The following DPYD variants were observed in gnomAD, a reference collection of about 807,000 sequenced individuals.
DPYD encodes dihydropyrimidine dehydrogenase [NADP(+)].
In DPYD, 109 loss-of-function variants were observed where a neutral mutation model predicts 116.2. The ratio of observed to expected loss-of-function variants is 0.94; its 90% confidence interval spans 0.80 to 1.10. The LOEUF (loss-of-function observed/expected upper bound fraction) is 1.10, where lower values mean the gene tolerates loss of function less well. Among genes scored for constraint, DPYD ranks in the 50% least tolerant of loss-of-function variants. DPYD has a pLI of 0.00. For synonymous variants in DPYD, 440 were observed against 432.0 expected (o/e 1.02, Z -0.23); for missense variants, 1,302 against 1,254.5 (o/e 1.04, Z -0.57).
chr1:97,502,661 T>C (rs1679648090), intron 13 of DPYD, among the ~76,000 whole-genome samples: 1 of 151,994 alleles, frequency 6.6e-6, no homozygotes. Context: ...GGTATACTAT[T>C]CTGTGAGAAA....
chr1:97,649,092 C>G (rs1175911970), intron 8 of DPYD, among the ~76,000 whole-genome samples: 2 of 152,038 alleles, frequency 1.3e-5, no homozygotes, highest in Non-Finnish European at 2.9e-5. Flanking sequence ...TATTTAACAT[C>G]TAAGCAAGGA....
At chr1:97,292,203 T>A (rs1201957702) in intron 18 of DPYD, among the ~76,000 whole-genome samples, 2 of 152,162 alleles carry the variant, frequency 1.3e-5, no homozygotes, top group Non-Finnish European at 2.9e-5. Flanking sequence ...AAGACTTCAG[T>A]GACCTCTGCT....
intron 16 of DPYD, among the ~76,000 whole-genome samples, chr1:97,340,022 C>T (rs894315476): frequency 4.0e-5 from 6 of 151,890 alleles, no homozygotes; most frequent in Non-Finnish European, 7.4e-5. Flanking sequence ...ATATACTAAG[C>T]GAGAAATATT....
chr1:97,256,054 T>C (rs1392791023), intron 18 of DPYD, among the ~76,000 whole-genome samples: 1 of 152,168 alleles, frequency 6.6e-6, no homozygotes, highest in African/African-American at 2.4e-5. Flanking sequence ...GATAGTTGAT[T>C]ATGACAGCTT....
chr1:97,540,382 CAAAACAAAACAAAA>C, intron 12 of DPYD, among the ~76,000 whole-genome samples: 1 of 142,952 alleles, frequency 7.0e-6, no homozygotes, highest in Non-Finnish European at 1.6e-5. Context: ...CAAAACAAAA[CAAAACAAAACAAAA>C]ACCAAACTTT....
chr1:97,898,525 T>C (rs919002324), intron 1 of DPYD, among the ~76,000 whole-genome samples: 3 of 152,002 alleles, frequency 2.0e-5, no homozygotes, highest in Admixed American at 6.6e-5. Flanking sequence ...CTGTATTTCA[T>C]TGCTTGATAG....
chr1:97,619,155 T>C (rs1307505653), intron 8 of DPYD, among the ~76,000 whole-genome samples: 2 of 152,226 alleles, frequency 1.3e-5, no homozygotes, highest in Non-Finnish European at 2.9e-5. Flanking sequence ...ATTTACAAAA[T>C]CTTACATTCT....
chr1:97,349,595 T>C (rs1031704522), intron 16 of DPYD, among the ~76,000 whole-genome samples: 4 of 151,862 alleles, frequency 2.6e-5, no homozygotes, highest in Non-Finnish European at 5.9e-5. Flanking sequence ...GAAAATGCGG[T>C]GTTTGGTTTT....
chr1:97,143,341 A>G (rs1226731438), intron 20 of DPYD, among the ~76,000 whole-genome samples: 1 of 152,112 alleles, frequency 6.6e-6, no homozygotes, highest in Non-Finnish European at 1.5e-5. Flanking sequence ...TTCAATGGCA[A>G]GAGTATTTAG....
At chr1:97,720,641 G>A in intron 5 of DPYD, 1 of 1,262,446 alleles carries the variant, frequency 7.9e-7, no homozygotes. Context: ...ATTATGGGAA[G>A]GGTCCCAAAA....
intron 20 of DPYD, among the ~76,000 whole-genome samples, chr1:97,152,439 T>TAC (rs71590217): frequency 0.076 from 11,073 of 145,236 alleles, 502 homozygotes; most frequent in African/African-American, 0.13. Flanking sequence ...CTGAATCACA[T>TAC]ACACACACAC....
chr1:97,413,189 G>A (rs1674104485), intron 14 of DPYD, among the ~76,000 whole-genome samples: 1 of 152,188 alleles, frequency 6.6e-6, no homozygotes, highest in Admixed American at 6.5e-5. Context: ...TAAAGGCTGA[G>A]TGGAAACTTC....
intron 8 of DPYD, among the ~76,000 whole-genome samples, chr1:97,666,241 C>A (rs534097277): frequency 6.6e-6 from 1 of 152,078 alleles, no homozygotes; most frequent in African/African-American, 2.4e-5. Flanking sequence ...GGCACAATCA[C>A]GGCTCATTGC....
intron 6 of DPYD, among the ~76,000 whole-genome samples, chr1:97,693,072 C>T (rs1297159220): frequency 1.3e-5 from 2 of 151,822 alleles, no homozygotes; most frequent in African/African-American, 4.8e-5. Flanking sequence ...CAGCGGATCA[C>T]GAGGTCAGGA....
chr1:97,276,945 C>T (rs531687632), intron 18 of DPYD, among the ~76,000 whole-genome samples: 22 of 152,174 alleles, frequency 1.4e-4, no homozygotes, highest in African/African-American at 2.9e-4. Context: ...AGCAAAGACA[C>T]GGAAACAACC....
intron 10 of DPYD, among the ~76,000 whole-genome samples, chr1:97,588,005 CA>C (rs150947877): frequency 1.2e-4 from 19 of 152,084 alleles, no homozygotes; most frequent in African/African-American, 3.9e-4. Context: ...GGAAAAAAAT[CA>C]GGTAAAAGGC....
chr1:97,576,159 T>C (rs183781074), intron 10 of DPYD, among the ~76,000 whole-genome samples: 19 of 152,340 alleles, frequency 1.2e-4, no homozygotes, highest in African/African-American at 4.6e-4. Context: ...GTATCGCTTT[T>C]GTCATATTTG....
At position 97,573,930 on chromosome 1, in the gene DPYD, A is replaced by G. The variant is rs754028972; in HGVS notation, c.1169T>C (p.Phe390Ser). The G allele has an allele frequency of 6.2e-7, 1 of 1,613,684 alleles. No individual in the cohort carries two copies. The highest frequency in any genetic ancestry group is 1.7e-5 in the Admixed American group (1 of 59,980). The change falls in exon 11 of 23, where the codon TTC (phenylalanine) becomes TCC (serine). Residue 390 changes from phenylalanine to serine, a missense_variant. By Grantham distance (155) the Phe-to-Ser change is radical. Transcript: ENST00000370192. ...TACTATAACCTTCCGTGGGGACAGG[A>G]ATGGCAGAAATTCACACTTTTCTTC... ...AKEEKCEFLP[F>S]LSPRKVIVKG...
At chr1:97,212,615 C>G (rs1660111470) in intron 19 of DPYD, among the ~76,000 whole-genome samples, 1 of 152,056 alleles carries the variant, frequency 6.6e-6, no homozygotes, top group Non-Finnish European at 1.5e-5. Flanking sequence ...TTGTATGGTA[C>G]ATTTTTGTAA....
Sources: gnomAD v4.1 joint callset for allele counts (sites outside exome capture counted in the v4.1 genomes callset) on GRCh38, gnomAD v4.1.1 for gene constraint, MANE v1.5 for transcripts, NCBI Gene and HGNC (gene_info 2026-07-23, HGNC 2026-07-21) for gene names.